Variants in DAB1 observed in about 807,000 individuals in gnomAD.
DAB1 encodes disabled homolog 1.
DAB1 carries 15 observed loss-of-function variants against 64.6 expected under a neutral mutation model. The ratio of observed to expected loss-of-function variants is 0.23; its 90% CI spans 0.16 to 0.36. DAB1 has a LOEUF of 0.36. Ranked by LOEUF, DAB1 falls within the 10% of genes least tolerant of loss-of-function variation. The probability of loss-of-function intolerance (pLI) is 1.00; values close to 1 mark genes in which losing one functional copy is unlikely to be tolerated. For missense variants in DAB1, 596 were observed against 706.7 expected, an observed-to-expected ratio of 0.84 and a Z score of 1.78; for synonymous variants, 235 against 251.9, an observed-to-expected ratio of 0.93 and a Z score of 0.64.
chr1:58,049,936 G>C (rs552359439), intron 5 of DAB1, among the ~76,000 whole-genome samples: 1 of 152,198 alleles, frequency 6.6e-6, no homozygotes, highest in South Asian at 2.1e-4. Context: ...GTTTGAAAAG[G>C]GGGCATGCAG....
intron 2 of DAB1, among the ~76,000 whole-genome samples, chr1:57,267,631 A>C (rs1670687041): frequency 6.6e-6 from 1 of 152,090 alleles, no homozygotes; most frequent in African/African-American, 2.4e-5. Flanking sequence ...CTCTGGTTCT[A>C]CCTTTCTGAA....
At chr1:57,153,775 T>TTACAGGCGACCGCCACCA (rs1465057355) in intron 2 of DAB1, among the ~76,000 whole-genome samples, 1 of 152,054 alleles carries the variant, frequency 6.6e-6, no homozygotes, top group Non-Finnish European at 1.5e-5. Context: ...GTAGCTGGGA[T>TTACAGGCGACCGCCACCA]TACAGGCGAC....
At chr1:58,091,634 A>AG (rs1650662247) in intron 5 of DAB1, among the ~76,000 whole-genome samples, 1 of 152,150 alleles carries the variant, frequency 6.6e-6, no homozygotes, top group African/African-American at 2.4e-5. Flanking sequence ...ATTACAGGCC[A>AG]ACTCTCCCTT....
chr1:58,073,328 A>G (rs1169113910), intron 5 of DAB1, among the ~76,000 whole-genome samples: 8 of 151,890 alleles, frequency 5.3e-5, no homozygotes, highest in African/African-American at 1.9e-4. Context: ...CCTCAGCATC[A>G]TCTCCCCTGG....
intron 7 of DAB1, among the ~76,000 whole-genome samples, chr1:57,568,851 A>G (rs945934066): frequency 1.3e-5 from 2 of 152,292 alleles, no homozygotes; most frequent in African/African-American, 4.8e-5. Context: ...TAGTTCAACC[A>G]TTGTGGAAGT....
At chr1:57,157,620 C>T (rs1660357867) in intron 2 of DAB1, among the ~76,000 whole-genome samples, 1 of 152,050 alleles carries the variant, frequency 6.6e-6, no homozygotes, top group Non-Finnish European at 1.5e-5. Flanking sequence ...CTCCTTTCCT[C>T]TTCTTACAAA....
At position 57,129,318 on chromosome 1, in the gene DAB1, C is replaced by A. The variant is rs564560867; in HGVS notation, c.306+7225G>T. ...TCTAAAAATATGTTGATTTGGGCTA[C>A]GAATTGATTTTTTTTATTGTGATAA... On this transcript the variant is annotated intron_variant, in intron 4 of 14. Transcript: ENST00000371236. 2.4e-4 allele frequency among the ~76,000 whole-genome samples: 36 copies of A among 152,162 alleles called. 1 individual carries two copies. The highest frequency in any genetic ancestry group is 8.2e-4 in the African/African-American group (34 of 41,528).
At chr1:57,122,235 T>C (rs1656731277) in intron 4 of DAB1, among the ~76,000 whole-genome samples, 2 of 152,188 alleles carry the variant, frequency 1.3e-5, no homozygotes, top group Non-Finnish European at 1.5e-5. Context: ...ATGAAGCCTG[T>C]GGAGCAAGAG....
At chr1:57,145,452 C>G in intron 2 of DAB1, 23 bp from the exon 3 acceptor site, 1 of 1,613,544 alleles carries the variant, frequency 6.2e-7, no homozygotes, top group Non-Finnish European at 8.5e-7. Flanking sequence ...AAAGCAGATT[C>G]AAATATGTAG....
At chr1:57,254,667 T>C (rs1330854748) in intron 2 of DAB1, among the ~76,000 whole-genome samples, 1 of 152,194 alleles carries the variant, frequency 6.6e-6, no homozygotes, top group Non-Finnish European at 1.5e-5. Context: ...TTGGCTCCAG[T>C]AACTGTCTAG....
At chr1:58,102,004 C>T (rs1651349282) in intron 5 of DAB1, among the ~76,000 whole-genome samples, 1 of 152,254 alleles carries the variant, frequency 6.6e-6, no homozygotes, top group South Asian at 2.1e-4. Flanking sequence ...CCCTTCTACA[C>T]AGCAGTAGCA....
intron 3 of DAB1, among the ~76,000 whole-genome samples, chr1:58,449,821 G>T (rs1445751558): frequency 2.0e-5 from 3 of 152,190 alleles, no homozygotes; most frequent in Admixed American, 2.0e-4. Context: ...TCATTCCACT[G>T]TATTTACATC....
At chr1:57,364,057 T>G (rs1679768933) in intron 1 of DAB1, among the ~76,000 whole-genome samples, 1 of 152,220 alleles carries the variant, frequency 6.6e-6, no homozygotes, top group Admixed American at 6.5e-5. Context: ...TTTTCTCCGT[T>G]GGCCATTTTG....
chr1:57,970,887 T>C (rs1236241242), intron 5 of DAB1, among the ~76,000 whole-genome samples: 1 of 152,118 alleles, frequency 6.6e-6, no homozygotes, highest in African/African-American at 2.4e-5. Context: ...AAAAAAAAAC[T>C]TCATTGACTA....
At chr1:58,425,148 T>C (rs1056305532) in intron 3 of DAB1, among the ~76,000 whole-genome samples, 5 of 152,296 alleles carry the variant, frequency 3.3e-5, no homozygotes, top group East Asian at 1.9e-4. Flanking sequence ...CATGAAGAGA[T>C]AGACCCTTGA....
At position 58,539,421 on chromosome 1, in the gene DAB1, C is replaced by T. The variant is rs115087524; in HGVS notation, n.32+7282G>A. On this transcript the variant is annotated intron_variant and non_coding_transcript_variant, in intron 1 of 20. Transcript: ENST00000485760. ...AGTTGTTCTTCTAACACATCTCAGG[C>T]TAAATTACCTTGGGTTTCAACTCAT... 2.0e-3 allele frequency: 1,269 copies of T among 624,780 alleles called. 11 individuals carry two copies. The African/African-American group carries it at 0.021, about 10-fold the overall frequency. 38.7% of individuals were successfully genotyped at this position (624,780 alleles called of 1,614,324 possible). A position where few individuals can be genotyped will look rare whatever the true frequency, so the allele number is the denominator to read the frequency against.
intron 6 of DAB1, among the ~76,000 whole-genome samples, chr1:57,697,485 T>G (rs1646858815): frequency 6.6e-6 from 1 of 151,268 alleles, no homozygotes; most frequent in African/African-American, 2.4e-5. Context: ...TGCTAAAGCT[T>G]TAGCGCAATC....
rs1167781957 is a variant in DAB1, at chr1:57,126,669, T to C, written c.306+9874A>G. The stretch of plus-strand genomic sequence containing the variant: ...TAAGCGTGATCATTATCATTACTAT[T>C]GTTTTCATTGGCGTTTTCCTCATTG... On this transcript the variant is annotated intron_variant, in intron 4 of 14. Coordinates refer to ENST00000371236, the MANE Select transcript of DAB1 (RefSeq NM_001365792.1). 4.6e-5 allele frequency among the ~76,000 whole-genome samples: 7 copies of C among 152,304 alleles called. No individual in the cohort carries two copies. In the South Asian group the frequency reaches 8.3e-4, roughly 18 times the overall value.
chr1:57,168,589 C>A (rs498065), intron 2 of DAB1, among the ~76,000 whole-genome samples: 1,647 of 152,220 alleles, frequency 0.011, 30 homozygotes, highest in African/African-American at 0.038. Context: ...CTTCCCTTTC[C>A]CTGGTCTTGA....
Sources: gnomAD v4.1 joint callset for allele counts (sites outside exome capture counted in the v4.1 genomes callset) on GRCh38, gnomAD v4.1.1 for gene constraint, MANE v1.5 for transcripts, NCBI Gene and HGNC (gene_info 2026-07-23, HGNC 2026-07-21) for gene names.